Variants in CYP2C19 observed in about 807,000 individuals in gnomAD.
CYP2C19 encodes the protein cytochrome P450 family 2 subfamily C member 19, also known as cytochrome P450 2C19.
Under a neutral mutation model 40.9 loss-of-function variants are expected in CYP2C19, and 59 were observed. The observed-to-expected ratio is 1.44, with a 90% confidence interval of 1.17 to 1.79. The LOEUF (loss-of-function observed/expected upper bound fraction) is 1.79. Among genes scored for constraint, CYP2C19 ranks in the 40% most tolerant of loss-of-function variants. CYP2C19 has a pLI of 0.00. For missense variants in CYP2C19, 754 were observed against 596.9 expected (o/e 1.26, Z -2.74); for synonymous variants, 253 against 208.7 (o/e 1.21, Z -1.83).
At chr10:94,846,891 TAAC>T (rs1185256912) in intron 7 of CYP2C19, among the ~76,000 whole-genome samples, 2 of 152,040 alleles carry the variant, frequency 1.3e-5, no homozygotes, top group South Asian at 4.1e-4. Context: ...CTTTAAATGA[TAAC>T]AAACAAACTA....
chr10:94,853,320 A>T lies in CYP2C19; in HGVS notation c.*406A>T. 1 of 397,234 alleles carries T rather than the reference A, an allele frequency of 2.5e-6. No individual in the cohort carries two copies. 24.6% of individuals were successfully genotyped at this position (397,234 alleles called of 1,614,324 possible). On this transcript the variant is annotated 3_prime_UTR_variant, in exon 9 of 9. Coordinates refer to ENST00000371321, the MANE Select transcript of CYP2C19 (RefSeq NM_000769.4). ...ATGCAGGTGACAAATTAAAGAAAAT[A>T]GAGTTCCAGGAGGCCATGCTGGTTC...
At chr10:94,834,061 T>G (rs563668013) in intron 6 of CYP2C19, among the ~76,000 whole-genome samples, 4 of 152,298 alleles carry the variant, frequency 2.6e-5, no homozygotes, top group African/African-American at 9.6e-5. Context: ...TTTGGAATAG[T>G]TTGAGTAGGG....
rs1340585597 is a variant in CYP2C19, at chr10:94,853,868, T to C, written c.*954T>C. Among the ~76,000 whole-genome samples, 2 of 152,066 alleles carry C rather than the reference T, an allele frequency of 1.3e-5. No individual in the cohort carries two copies. The highest frequency in any genetic ancestry group is 1.3e-4 in the Admixed American group (2 of 15,260). ...GTCTAATGTTACTTTAAAGTGTCATTACTTTATCTCTAAATAAAGAATCAG... is the reference window on the plus strand; with the variant it reads ...GTCTAATGTTACTTTAAAGTGTCATCACTTTATCTCTAAATAAAGAATCAG... On this transcript the variant is annotated 3_prime_UTR_variant, in exon 9 of 9. Transcript: ENST00000371321.
chr10:94,784,977 G>T (rs142934981), intron 5 of CYP2C19, among the ~76,000 whole-genome samples: 112 of 152,176 alleles, frequency 7.4e-4, no homozygotes, highest in African/African-American at 2.7e-3. Context: ...CTTCTTTGGA[G>T]AAATGTTATT....
chr10:94,798,129 G>A (rs1564668409), intron 5 of CYP2C19, among the ~76,000 whole-genome samples: 2 of 151,982 alleles, frequency 1.3e-5, no homozygotes, highest in Non-Finnish European at 2.9e-5. Context: ...TGCATATTTA[G>A]TGCTATAAAT....
chr10:94,806,021 A>G (rs1479452510), intron 5 of CYP2C19, among the ~76,000 whole-genome samples: 1 of 152,020 alleles, frequency 6.6e-6, no homozygotes, highest in Non-Finnish European at 1.5e-5. Context: ...AATGTTGTAG[A>G]ACCCCACCCC....
chr10:94,772,701 C>T (rs906025891), intron 1 of CYP2C19, among the ~76,000 whole-genome samples: 7 of 152,190 alleles, frequency 4.6e-5, no homozygotes, highest in African/African-American at 1.7e-4. Context: ...GCTCCCAACT[C>T]CAAAGAGTTG....
At chr10:94,804,305 G>A (rs534923541) in intron 5 of CYP2C19, among the ~76,000 whole-genome samples, 15 of 152,286 alleles carry the variant, frequency 9.8e-5, no homozygotes, top group Non-Finnish European at 1.6e-4. Context: ...ATGTGGGAGG[G>A]CCCAATTCCA....
chr10:94,842,745 A>G, intron 6 of CYP2C19, 92 bp from the exon 7 acceptor site: 1 of 1,337,362 alleles, frequency 7.5e-7, no homozygotes, highest in Non-Finnish European at 1.1e-6. Flanking sequence ...TGATGTTTGG[A>G]TACCTTCATC....
chr10:94,798,684 G>A (rs1347855014), intron 5 of CYP2C19, among the ~76,000 whole-genome samples: 2 of 151,980 alleles, frequency 1.3e-5, no homozygotes, highest in South Asian at 2.1e-4. Flanking sequence ...TGTATTGGGT[G>A]CATATATATT....
intron 4 of CYP2C19, among the ~76,000 whole-genome samples, 180 bp downstream of exon 4, chr10:94,780,839 G>T (rs569202714): frequency 7.1e-4 from 108 of 152,114 alleles, no homozygotes; most frequent in Non-Finnish European, 1.2e-3. Flanking sequence ...CACAGGAAAT[G>T]AATATCCCAA....
At chr10:94,799,406 CCT>C (rs938499795) in intron 5 of CYP2C19, among the ~76,000 whole-genome samples, 33 of 152,138 alleles carry the variant, frequency 2.2e-4, no homozygotes, top group Non-Finnish European at 1.5e-5. Context: ...TTGTGGGTAA[CCT>C]GAGATTTCTC....
chr10:94,822,135 T>C (rs1849133919), intron 6 of CYP2C19, among the ~76,000 whole-genome samples: 1 of 152,206 alleles, frequency 6.6e-6, no homozygotes, highest in Non-Finnish European at 1.5e-5. Context: ...TTCTTTTTTA[T>C]GGCTGCATAG....
intron 6 of CYP2C19, among the ~76,000 whole-genome samples, chr10:94,839,464 A>G (rs1180995823): frequency 6.6e-6 from 1 of 152,206 alleles, no homozygotes; most frequent in Admixed American, 6.5e-5. Flanking sequence ...CATGCCTAAC[A>G]TTGCCTTTGT....
intron 5 of CYP2C19, among the ~76,000 whole-genome samples, chr10:94,809,444 A>C (rs1848882364): frequency 6.6e-6 from 1 of 152,068 alleles, no homozygotes; most frequent in African/African-American, 2.4e-5. Context: ...ACGTGATATA[A>C]TCCCATTTGT....
Position 94,850,639 on chromosome 10 carries a change from A to G in CYP2C19, c.1291+581A>G, listed in dbSNP as rs17882089. On this transcript the variant is annotated intron_variant, in intron 8 of 8. Coordinates refer to ENST00000371321, the MANE Select transcript of CYP2C19 (RefSeq NM_000769.4). Reference sequence around the variant, plus strand: ...TCTGCTTCTTGTTATCTTATAACCCAAAATGAGACATAAGTAACTAATAGC... The same window carrying G: ...TCTGCTTCTTGTTATCTTATAACCCGAAATGAGACATAAGTAACTAATAGC... Among the ~76,000 whole-genome samples the G allele has an allele frequency of 3.1e-3, 473 of 152,334 alleles. 3 individuals carry two copies. Among genetic ancestry groups the G allele is most frequent in the African/African-American group, 0.011 (450 of 41,576 alleles).
At chr10:94,770,242 C>T (rs184560718) in intron 1 of CYP2C19, among the ~76,000 whole-genome samples, 1 of 152,262 alleles carries the variant, frequency 6.6e-6, no homozygotes, top group East Asian at 1.9e-4. Context: ...GCTTCTGGCC[C>T]AGAGAACCAT....
intron 7 of CYP2C19, among the ~76,000 whole-genome samples, chr10:94,849,472 A>AT (rs569789069): frequency 1.4e-4 from 22 of 151,878 alleles, no homozygotes; most frequent in South Asian, 6.3e-4. Flanking sequence ...GGACTTTGGG[A>AT]TTTTTTTTAA....
chr10:94,810,993 C>A (rs1371600551), intron 5 of CYP2C19, among the ~76,000 whole-genome samples: 1 of 152,166 alleles, frequency 6.6e-6, no homozygotes, highest in Non-Finnish European at 1.5e-5. Context: ...GATTTTAGAT[C>A]TTTCCTGCTT....
Sources: allele counts gnomAD v4.1 joint callset (sites outside exome capture counted in the v4.1 genomes callset), GRCh38; gene constraint gnomAD v4.1.1; transcripts MANE v1.5; gene names NCBI Gene and HGNC (gene_info 2026-07-23, HGNC 2026-07-21).